Variants in KHDRBS2 observed in about 807,000 individuals in gnomAD.
KHDRBS2 encodes the protein KH domain-containing, RNA-binding, signal transduction-associated protein 2.
In KHDRBS2, 26 loss-of-function variants were observed where a neutral mutation model predicts 44.3. That is an observed-to-expected ratio of 0.59 (90% CI 0.43 to 0.81). The LOEUF (loss-of-function observed/expected upper bound fraction) is 0.81, where lower values mean the gene tolerates loss of function less well. KHDRBS2 is among the 40% of genes least tolerant of loss of function. KHDRBS2 has a pLI of 0.00. For missense variants in KHDRBS2, 476 were observed against 433.1 expected (o/e 1.10, Z -0.88); for synonymous variants, 194 against 151.1 (o/e 1.28, Z -2.08).
chr6:62,270,918 A>G (rs1415224331), intron 1 of KHDRBS2, among the ~76,000 whole-genome samples: 1 of 152,146 alleles, frequency 6.6e-6, no homozygotes, highest in Non-Finnish European at 1.5e-5. Flanking sequence ...AGGTTAGCAG[A>G]TCTGGCACTC....
chr6:61,576,207 A>AG, the KHDRBS2 span, among the ~76,000 whole-genome samples: 3 of 152,174 alleles, frequency 2.0e-5, no homozygotes, highest in East Asian at 5.8e-4. Flanking sequence ...TGATTCTTCC[A>AG]ATCTATGAGT....
chr6:61,680,119 TATCTTAAA>T lies in KHDRBS2; in HGVS notation c.*836_*843del, dbSNP rs1448973907. ...AATACATTTTTAAGTATTACACAAA[TATCTTAAA>T]ACAGACTTGGGTTCATTTTTGTAAT... On this transcript the variant is annotated 3_prime_UTR_variant, in exon 9 of 9. Transcript: ENST00000281156. The T allele has an allele frequency of 6.6e-6, 1 of 152,406 alleles. No homozygotes were observed. Among genetic ancestry groups the T allele is most frequent in the Non-Finnish European group, 1.5e-5 (1 of 67,924 alleles). The allele number at this position is 152,406 out of a possible 1,614,324, so 9.4% of individuals were successfully genotyped here.
intron 6 of KHDRBS2, among the ~76,000 whole-genome samples, chr6:61,861,941 C>T (rs1026440710): frequency 1.3e-5 from 2 of 151,906 alleles, no homozygotes; most frequent in East Asian, 1.9e-4. Flanking sequence ...CCCTTGTTTG[C>T]TGTATTCCTA....
At chr6:61,818,266 T>TAAAAAAAAAAAAAAAAAAA (rs60399147) in intron 6 of KHDRBS2, among the ~76,000 whole-genome samples, 6 of 114,450 alleles carry the variant, frequency 5.2e-5, no homozygotes, top group African/African-American at 1.9e-4. Flanking sequence ...CCTCTGTAAG[T>TAAAAAAAAAAAAAAAAAAA]AAAAAAAAAA....
At chr6:62,150,949 C>T (rs1212237993) in intron 2 of KHDRBS2, among the ~76,000 whole-genome samples, 2 of 152,116 alleles carry the variant, frequency 1.3e-5, no homozygotes, top group African/African-American at 4.8e-5. Context: ...TGATCTTAAT[C>T]TCAATTCTCC....
chr6:62,064,980 C>T (rs1175431562), intron 2 of KHDRBS2, among the ~76,000 whole-genome samples: 5 of 151,946 alleles, frequency 3.3e-5, no homozygotes, highest in Admixed American at 2.6e-4. Context: ...AGGACATGAA[C>T]AGACACTTCT....
chr6:61,967,907 T>C (rs1246624337), intron 4 of KHDRBS2, among the ~76,000 whole-genome samples: 4 of 143,180 alleles, frequency 2.8e-5, no homozygotes, highest in Admixed American at 2.2e-4. Context: ...CACACACATA[T>C]ATATATACAC....
chr6:62,090,804 A>G (rs1320925630), intron 2 of KHDRBS2, among the ~76,000 whole-genome samples: 1 of 152,142 alleles, frequency 6.6e-6, no homozygotes, highest in Non-Finnish European at 1.5e-5. Context: ...TTATTGCTTT[A>G]AATTTTGTTT....
chr6:61,599,370 C>T, the KHDRBS2 span, among the ~76,000 whole-genome samples: 11 of 152,078 alleles, frequency 7.2e-5, no homozygotes, highest in Non-Finnish European at 1.6e-4. Context: ...AGCCAATGAG[C>T]CTGTTTTCAT....
At chr6:62,273,037 C>T (rs1840334891) in intron 1 of KHDRBS2, among the ~76,000 whole-genome samples, 4 of 152,118 alleles carry the variant, frequency 2.6e-5, no homozygotes, top group Admixed American at 2.6e-4. Flanking sequence ...TAAAGTACTT[C>T]ACTCAGAATA....
intron 6 of KHDRBS2, among the ~76,000 whole-genome samples, chr6:61,788,947 G>C (rs1398248731): frequency 1.3e-5 from 2 of 151,312 alleles, no homozygotes; most frequent in African/African-American, 4.8e-5. Flanking sequence ...TAGGCTGAAA[G>C]TGTTAATAGT....
chr6:61,804,190 C>G lies in KHDRBS2; in HGVS notation c.811-71426G>C, dbSNP rs112376937. Among the ~76,000 whole-genome samples the G allele has an allele frequency of 2.6e-5, 4 of 152,172 alleles. No individual in the cohort carries two copies. The South Asian group carries it at 8.3e-4, about 32-fold the overall frequency. On this transcript the variant is annotated intron_variant, in intron 6 of 8. Coordinates refer to ENST00000281156, the MANE Select transcript of KHDRBS2 (RefSeq NM_152688.4). ...AGGGAATGGGGGAAATTGGCCAAAA[C>G]GAAGGGACTACCGGCCCCTTGCAAG...
At chr6:61,719,992 T>C (rs1286615505) in intron 7 of KHDRBS2, among the ~76,000 whole-genome samples, 1 of 152,062 alleles carries the variant, frequency 6.6e-6, no homozygotes, top group East Asian at 1.9e-4. Flanking sequence ...TGTGTTCTCA[T>C]TGTTCAATTC....
chr6:62,029,603 A>G (rs1049965507), intron 3 of KHDRBS2, among the ~76,000 whole-genome samples: 10 of 152,002 alleles, frequency 6.6e-5, no homozygotes, highest in Non-Finnish European at 8.8e-5. Flanking sequence ...AAGCATATTT[A>G]TTCTCCATTA....
chr6:62,240,864 T>C (rs1313538171), intron 1 of KHDRBS2, among the ~76,000 whole-genome samples: 1 of 151,382 alleles, frequency 6.6e-6, no homozygotes, highest in Non-Finnish European at 1.5e-5. Context: ...AGTATACATA[T>C]AGGGTCGTCT....
At chr6:61,887,082 G>T (rs551817785) in intron 6 of KHDRBS2, among the ~76,000 whole-genome samples, 1 of 143,384 alleles carries the variant, frequency 7.0e-6, no homozygotes, top group Non-Finnish European at 1.5e-5. Context: ...GTTCTTTACC[G>T]AGAGGAAACA....
Position 61,880,398 on chromosome 6 carries a change from C to T in KHDRBS2, c.810+14237G>A, listed in dbSNP as rs555524838. On this transcript the variant is annotated intron_variant, in intron 6 of 8. Coordinates refer to ENST00000281156, the MANE Select transcript of KHDRBS2 (RefSeq NM_152688.4). ...GGTAGATTTATTTTAGGGGTAATATCTGCTGCCTAAGTGACATATGAAACA... is the reference window on the plus strand; with the variant it reads ...GGTAGATTTATTTTAGGGGTAATATTTGCTGCCTAAGTGACATATGAAACA... Among the ~76,000 whole-genome samples the T allele has an allele frequency of 2.0e-5, 3 of 151,928 alleles. No homozygotes were observed. In the South Asian group the frequency reaches 6.2e-4, roughly 31 times the overall value.
the KHDRBS2 span, among the ~76,000 whole-genome samples, chr6:61,664,504 C>A: frequency 6.6e-6 from 1 of 151,748 alleles, no homozygotes; most frequent in African/African-American, 2.4e-5. Context: ...CATCCTTTAA[C>A]ACCATGCATG....
Position 62,093,539 on chromosome 6 carries a change from A to T in KHDRBS2, c.220-45545T>A, listed in dbSNP as rs184133311. ...GTACTTTGAAATATACACTGTATTTAACAATACATTATTGTTAACTCTAAT... is the reference window on the plus strand; with the variant it reads ...GTACTTTGAAATATACACTGTATTTTACAATACATTATTGTTAACTCTAAT... On this transcript the variant is annotated intron_variant, in intron 2 of 8. Coordinates refer to ENST00000281156, the MANE Select transcript of KHDRBS2 (RefSeq NM_152688.4). 2.8e-4 allele frequency among the ~76,000 whole-genome samples: 42 copies of T among 152,118 alleles called. 1 individual carries two copies. The highest frequency in any genetic ancestry group is 1.0e-3 in the African/African-American group (42 of 41,556).
Sources: allele counts gnomAD v4.1 joint callset (sites outside exome capture counted in the v4.1 genomes callset), GRCh38; gene constraint gnomAD v4.1.1; transcripts MANE v1.5; gene names NCBI Gene and HGNC (gene_info 2026-07-23, HGNC 2026-07-21).